Variants in SETBP1 observed in about 807,000 individuals in gnomAD.
SETBP1 encodes SET binding protein 1, also known as SET-binding protein.
In SETBP1, 9 loss-of-function variants were observed where a neutral mutation model predicts 101.0. The observed-to-expected ratio is 0.09, with a 90% CI of 0.05 to 0.16. SETBP1 has a LOEUF of 0.16. Among genes scored for constraint, SETBP1 ranks in the 10% least tolerant of loss-of-function variants. The probability of loss-of-function intolerance (pLI) is 1.00; values close to 1 mark genes in which losing one functional copy is unlikely to be tolerated. For synonymous variants in SETBP1, 818 were observed against 788.5 expected (o/e 1.04, Z -0.63); for missense variants, 1,858 against 2,033.8 (o/e 0.91, Z 1.66).
At chr18:44,742,371 T>A (rs970246625) in intron 2 of SETBP1, among the ~76,000 whole-genome samples, 24 of 152,322 alleles carry the variant, frequency 1.6e-4, no homozygotes, top group Admixed American at 1.3e-3. Context: ...GAGATTTTGC[T>A]CTGGTTTCAT....
At chr18:44,867,563 G>A (rs538224136) in intron 2 of SETBP1, among the ~76,000 whole-genome samples, 1 of 152,256 alleles carries the variant, frequency 6.6e-6, no homozygotes, top group South Asian at 2.1e-4. Flanking sequence ...TTTAAGGCAG[G>A]GACAAAGTCT....
intron 3 of SETBP1, among the ~76,000 whole-genome samples, chr18:44,888,577 C>T (rs112993346): frequency 5.3e-5 from 8 of 152,196 alleles, no homozygotes; most frequent in African/African-American, 1.9e-4. Flanking sequence ...TCACAATCAG[C>T]CTGTTCATTT....
intron 2 of SETBP1, among the ~76,000 whole-genome samples, chr18:44,783,325 T>G (rs1246577229): frequency 6.6e-6 from 1 of 152,216 alleles, no homozygotes; most frequent in Non-Finnish European, 1.5e-5. Context: ...GCAGAATCTT[T>G]CTCATGGATC....
chr18:44,884,826 G>C (rs992707986), intron 3 of SETBP1, among the ~76,000 whole-genome samples: 1 of 151,838 alleles, frequency 6.6e-6, no homozygotes, highest in Non-Finnish European at 1.5e-5. Flanking sequence ...TGGGTAACTG[G>C]GTCTCTCAGT....
chr18:44,885,924 G>A (rs938187461), intron 3 of SETBP1, among the ~76,000 whole-genome samples: 27 of 145,564 alleles, frequency 1.9e-4, no homozygotes, highest in African/African-American at 5.9e-4. Context: ...TGTGTCCTCC[G>A]TGTTTGAGTC....
At chr18:44,915,789 T>C (rs1414617984) in intron 3 of SETBP1, among the ~76,000 whole-genome samples, 1 of 152,230 alleles carries the variant, frequency 6.6e-6, no homozygotes, top group African/African-American at 2.4e-5. Context: ...TCTAATCTTA[T>C]TCTGTCCCCA....
At chr18:44,812,071 G>A (rs907438146) in intron 2 of SETBP1, among the ~76,000 whole-genome samples, 2 of 152,110 alleles carry the variant, frequency 1.3e-5, no homozygotes, top group East Asian at 1.9e-4. Flanking sequence ...AGAATTAGGG[G>A]CCTGCAGAGA....
intron 4 of SETBP1, among the ~76,000 whole-genome samples, chr18:44,959,480 T>C (rs998553992): frequency 2.0e-5 from 3 of 152,224 alleles, no homozygotes; most frequent in Non-Finnish European, 4.4e-5. Context: ...ATGCCTAGTA[T>C]GTATAAGGCT....
chr18:45,063,512 A>T lies in SETBP1; in HGVS notation c.4605A>T (p.Pro1535=). ...PPPPPLPPPP[P]PPLPPPPPLP... ...CGCCGCCCCTGCCGCCACCGCCGCC[A>T]CCACCCCTGCCCCCGCCACCCCCTC... is the stretch of plus-strand genomic sequence containing the variant. The change falls in exon 6 of 6, where the codon CCA becomes CCT. Residue 1535 remains proline, a synonymous_variant. Transcript: ENST00000649279. 1 of 674,738 alleles carries T rather than the reference A, an allele frequency of 1.5e-6. No homozygotes were observed. The highest frequency in any genetic ancestry group is 4.0e-5 in the South Asian group (1 of 24,856). 41.8% of individuals were successfully genotyped at this position (674,738 alleles called of 1,614,324 possible).
At chr18:44,848,145 CT>C (rs2041590793) in intron 2 of SETBP1, among the ~76,000 whole-genome samples, 1 of 151,530 alleles carries the variant, frequency 6.6e-6, no homozygotes, top group African/African-American at 2.4e-5. Context: ...GTGCAAGTAA[CT>C]AGGATTGTAA....
intron 4 of SETBP1, among the ~76,000 whole-genome samples, chr18:45,021,724 A>G (rs2073073400): frequency 6.6e-6 from 1 of 152,194 alleles, no homozygotes; most frequent in Non-Finnish European, 1.5e-5. Flanking sequence ...ATTTTCTTGA[A>G]AACATAACTC....
chr18:44,928,497 A>G (rs2070753902), intron 3 of SETBP1, among the ~76,000 whole-genome samples: 1 of 152,212 alleles, frequency 6.6e-6, no homozygotes, highest in African/African-American at 2.4e-5. Flanking sequence ...TCCTTGAGGA[A>G]TTGCCACACT....
intron 2 of SETBP1, among the ~76,000 whole-genome samples, chr18:44,724,280 G>A (rs936293806): frequency 7.9e-5 from 12 of 152,116 alleles, no homozygotes; most frequent in Non-Finnish European, 1.3e-4. Context: ...TGAATGTTGG[G>A]AAAAGTCAAA....
chr18:45,063,669 C>G lies in SETBP1; in HGVS notation c.4762C>G (p.Arg1588Gly). The change falls in exon 6 of 6, where the codon CGA becomes GGA. Residue 1588 changes from arginine to glycine, a missense_variant. Arg to Gly is a moderately radical substitution (Grantham distance 125). Around this residue, in one of 12 missense-constraint regions of SETBP1, gnomAD observed 178 missense variants for 189.1 expected, o/e 0.94. Coordinates refer to ENST00000649279, the MANE Select transcript of SETBP1 (RefSeq NM_015559.3). ...GAAAGCCAAAAGGCAGAGGAAGTCC[C>G]GAGGGAGTGAGAGCGAGGTCCTTCC... is the stretch of plus-strand genomic sequence containing the variant. ...EVKAKRQRKSRGSESEVLP is the reference protein window; with the variant it reads ...EVKAKRQRKSGGSESEVLP 1 of 1,608,682 alleles carries G rather than the reference C, an allele frequency of 6.2e-7. No individual in the cohort carries two copies.
At chr18:44,882,307 G>T (rs2069547442) in intron 3 of SETBP1, among the ~76,000 whole-genome samples, 1 of 152,088 alleles carries the variant, frequency 6.6e-6, no homozygotes, top group African/African-American at 2.4e-5. Context: ...CTCAGTCCAG[G>T]AAGGTGCTAA....
intron 2 of SETBP1, among the ~76,000 whole-genome samples, chr18:44,709,461 T>G (rs898445918): frequency 9.2e-5 from 14 of 152,308 alleles, no homozygotes; most frequent in African/African-American, 3.4e-4. Context: ...GCCTGCATAA[T>G]CTTAGGCAAG....
chr18:45,038,376 G>A, intron 4 of SETBP1, 109 bp from the exon 5 acceptor site: 1 of 960,600 alleles, frequency 1.0e-6, no homozygotes, highest in Non-Finnish European at 1.7e-6. Context: ...GTACCAGAAG[G>A]AGGTGTTCAA....
In SETBP1 at chr18:45,063,814, A is replaced by C; in HGVS notation, c.*116A>C. The C allele has an allele frequency of 8.0e-7, 1 of 1,252,572 alleles. No individual in the cohort carries two copies. The highest frequency in any genetic ancestry group is 2.7e-5 in the East Asian group (1 of 36,692). 77.6% of individuals were successfully genotyped at this position (1,252,572 alleles called of 1,614,324 possible). On this transcript the variant is annotated 3_prime_UTR_variant, in exon 6 of 6. Coordinates refer to ENST00000649279, the MANE Select transcript of SETBP1 (RefSeq NM_015559.3). Reference sequence around the variant, plus strand: ...GGACACCCACGCCCTTCTCTCCAGAAGCCGGGCAGGCAGAATCCGGCCAGA... The same window carrying C: ...GGACACCCACGCCCTTCTCTCCAGACGCCGGGCAGGCAGAATCCGGCCAGA...
chr18:44,886,467 CTCG>C (rs2069650432), intron 3 of SETBP1, among the ~76,000 whole-genome samples: 1 of 152,132 alleles, frequency 6.6e-6, no homozygotes, highest in African/African-American at 2.4e-5. Context: ...CTTCCTCTTT[CTCG>C]TCTTCTTATT....
Sources: gnomAD v4.1 joint callset for allele counts (sites outside exome capture counted in the v4.1 genomes callset) on GRCh38, gnomAD v4.1.1 for gene constraint, gnomAD v4.1.1 regional missense constraint, MANE v1.5 for transcripts, NCBI Gene and HGNC (gene_info 2026-07-23, HGNC 2026-07-21) for gene names.